Variants in TAFA2 observed in about 807,000 individuals in gnomAD.
TAFA2 encodes chemokine-like protein TAFA-2.
TAFA2 carries 7 observed loss-of-function variants against 18.8 expected under a neutral mutation model. That is an observed-to-expected ratio of 0.37 (90% CI 0.21 to 0.70). TAFA2 has a LOEUF of 0.70. Among genes scored for constraint, TAFA2 ranks in the 30% least tolerant of loss-of-function variants. TAFA2 has a pLI of 0.53. For synonymous variants in TAFA2, 60 were observed against 54.2 expected, an observed-to-expected ratio of 1.11 and a Z score of -0.47; for missense variants, 122 against 158.1, an observed-to-expected ratio of 0.77 and a Z score of 1.23.
At chr12:61,979,757 A>G (rs1397207631) in intron 1 of TAFA2, among the ~76,000 whole-genome samples, 2 of 152,132 alleles carry the variant, frequency 1.3e-5, no homozygotes, top group African/African-American at 4.8e-5. Flanking sequence ...AAGTAGAAGC[A>G]CGGCACCACC....
At chr12:61,940,059 T>C (rs1181884390) in intron 1 of TAFA2, among the ~76,000 whole-genome samples, 1 of 152,178 alleles carries the variant, frequency 6.6e-6, no homozygotes, top group Non-Finnish European at 1.5e-5. Flanking sequence ...ATTCAACAAA[T>C]AATCTGTTCT....
chr12:61,979,124 T>C (rs962915407), intron 1 of TAFA2, among the ~76,000 whole-genome samples: 4 of 152,140 alleles, frequency 2.6e-5, no homozygotes, highest in Non-Finnish European at 4.4e-5. Flanking sequence ...TTACTCTCTT[T>C]TGCTATCCAA....
chr12:62,249,575 T>C (rs1402344318), intron 1 of TAFA2, among the ~76,000 whole-genome samples: 1 of 152,182 alleles, frequency 6.6e-6, no homozygotes, highest in African/African-American at 2.4e-5. Flanking sequence ...CCTCAGTTTC[T>C]TCCTCTTTGC....
At chr12:62,204,184 T>C (rs1023100351) in intron 1 of TAFA2, among the ~76,000 whole-genome samples, 2 of 152,160 alleles carry the variant, frequency 1.3e-5, no homozygotes, top group African/African-American at 4.8e-5. Context: ...TTCTGGCTTG[T>C]TGGGTTTCTC....
At chr12:62,177,025 G>C (rs910731055) in intron 1 of TAFA2, among the ~76,000 whole-genome samples, 1 of 152,228 alleles carries the variant, frequency 6.6e-6, no homozygotes, top group Non-Finnish European at 1.5e-5. Context: ...ATTGCTGTGT[G>C]AGTTTAAAAA....
intron 1 of TAFA2, among the ~76,000 whole-genome samples, chr12:62,168,190 T>C (rs548799015): frequency 1.3e-5 from 2 of 152,054 alleles, no homozygotes; most frequent in Admixed American, 1.3e-4. Context: ...GTCTCACCAA[T>C]AAATAAAAAA....
intron 1 of TAFA2, among the ~76,000 whole-genome samples, chr12:62,073,797 G>A (rs1162427612): frequency 6.6e-6 from 1 of 152,154 alleles, no homozygotes; most frequent in Admixed American, 6.5e-5. Context: ...TGAACCAAGT[G>A]GACCCACATG....
intron 1 of TAFA2, among the ~76,000 whole-genome samples, chr12:62,020,139 G>T (rs548105158): frequency 3.2e-4 from 49 of 152,220 alleles, no homozygotes; most frequent in Non-Finnish European, 6.2e-4. Context: ...TTATTAAGTT[G>T]ATACTAAATG....
intron 1 of TAFA2, among the ~76,000 whole-genome samples, chr12:62,185,457 C>A (rs2062579753): frequency 1.3e-5 from 2 of 152,150 alleles, no homozygotes; most frequent in Admixed American, 6.5e-5. Flanking sequence ...GCTGGAGAAC[C>A]CAAATAGCAA....
chr12:61,971,692 G>A (rs1879255030), intron 1 of TAFA2, among the ~76,000 whole-genome samples: 2 of 151,634 alleles, frequency 1.3e-5, no homozygotes, highest in African/African-American at 4.8e-5. Context: ...CATGGACACT[G>A]GGAGGGAAAC....
At chr12:61,752,726 C>A (rs1254208013) in intron 4 of TAFA2, among the ~76,000 whole-genome samples, 2 of 151,856 alleles carry the variant, frequency 1.3e-5, no homozygotes, top group Non-Finnish European at 2.9e-5. Flanking sequence ...ATAAAATAAG[C>A]CTCTTGTATA....
intron 4 of TAFA2, among the ~76,000 whole-genome samples, chr12:61,734,645 T>A (rs996006616): frequency 2.6e-5 from 4 of 152,096 alleles, no homozygotes; most frequent in African/African-American, 9.7e-5. Flanking sequence ...TTTGGTTCAG[T>A]TAGGCTCTTC....
chr12:62,009,556 C>T (rs1046677690), intron 1 of TAFA2, among the ~76,000 whole-genome samples: 2 of 152,122 alleles, frequency 1.3e-5, no homozygotes, highest in Non-Finnish European at 2.9e-5. Flanking sequence ...GGCATTTAGA[C>T]ACGAGCAATT....
At chr12:61,910,097 TGTTTGTGTGTG>T (rs1318244173) in intron 1 of TAFA2, among the ~76,000 whole-genome samples, 4,612 of 93,758 alleles carry the variant, frequency 0.049, 259 homozygotes, top group African/African-American at 0.18. Context: ...TGTGTGTGTG[TGTTTGTGTGTG>T]TGTGTGTGTG....
intron 1 of TAFA2, among the ~76,000 whole-genome samples, chr12:62,054,906 A>G (rs1882146943): frequency 6.6e-6 from 1 of 152,228 alleles, no homozygotes; most frequent in Non-Finnish European, 1.5e-5. Context: ...TATCTTCTAA[A>G]TAAGATTAAA....
chr12:61,962,626 AAAGAG>A (rs1337308728), intron 1 of TAFA2, among the ~76,000 whole-genome samples: 3 of 152,046 alleles, frequency 2.0e-5, no homozygotes, highest in East Asian at 1.9e-4. Context: ...CAAAGCCAAG[AAAGAG>A]AAGAGTATAT....
chr12:62,142,874 G>A (rs1054021845), intron 1 of TAFA2, among the ~76,000 whole-genome samples: 2 of 152,028 alleles, frequency 1.3e-5, no homozygotes, highest in East Asian at 1.9e-4. Context: ...TTAACCACCT[G>A]GTGCAGATTA....
At chr12:61,923,690 G>T (rs1345504049) in intron 1 of TAFA2, among the ~76,000 whole-genome samples, 10 of 151,980 alleles carry the variant, frequency 6.6e-5, no homozygotes. Flanking sequence ...TCCTCCAAAG[G>T]ATCATAACTC....
intron 1 of TAFA2, among the ~76,000 whole-genome samples, chr12:62,072,335 G>A (rs962450734): frequency 6.6e-6 from 1 of 152,056 alleles, no homozygotes; most frequent in Admixed American, 6.6e-5. Context: ...CGGGCATGGT[G>A]GTGGGCACCT....
Sources: allele counts gnomAD v4.1 joint callset (sites outside exome capture counted in the v4.1 genomes callset), GRCh38; gene constraint gnomAD v4.1.1; transcripts MANE v1.5; gene names NCBI Gene and HGNC (gene_info 2026-07-23, HGNC 2026-07-21).